Variants in ARHGAP28 observed in about 807,000 individuals in gnomAD.
ARHGAP28 encodes Rho GTPase activating protein 28, also known as rho GTPase-activating protein 28.
ARHGAP28 carries 56 observed loss-of-function variants against 90.7 expected under a neutral mutation model. The ratio of observed to expected loss-of-function variants is 0.62; its 90% CI spans 0.50 to 0.77. The LOEUF (loss-of-function observed/expected upper bound fraction) is 0.77, where lower values mean the gene tolerates loss of function less well. ARHGAP28 is among the 30% of genes least tolerant of loss of function. The probability of loss-of-function intolerance (pLI) is 0.00; values close to 1 mark genes in which losing one functional copy is unlikely to be tolerated. For synonymous variants in ARHGAP28, 308 were observed against 323.3 expected, an observed-to-expected ratio of 0.95 and a Z score of 0.51; for missense variants, 869 against 900.9, an observed-to-expected ratio of 0.96 and a Z score of 0.45.
At chr18:6,781,826 T>A (rs751420727) in intron 1 of ARHGAP28, among the ~76,000 whole-genome samples, 4 of 152,226 alleles carry the variant, frequency 2.6e-5, no homozygotes, top group African/African-American at 4.8e-5. Context: ...TTTTGCCAGT[T>A]GATATCTCTT....
At chr18:6,907,636 G>C (rs2057371275) in intron 16 of ARHGAP28, among the ~76,000 whole-genome samples, 1 of 152,170 alleles carries the variant, frequency 6.6e-6, no homozygotes, top group African/African-American at 2.4e-5. Context: ...TGCTGCTGGG[G>C]GTGAGGGATG....
intron 1 of ARHGAP28, among the ~76,000 whole-genome samples, chr18:6,818,513 AC>A (rs202013753): frequency 1.3e-5 from 2 of 151,874 alleles, no homozygotes; most frequent in African/African-American, 2.4e-5. Flanking sequence ...GGGAAAATAG[AC>A]CCCCCCAAAA....
intron 11 of ARHGAP28, among the ~76,000 whole-genome samples, chr18:6,883,936 G>C (rs1567982032): frequency 6.6e-6 from 1 of 151,984 alleles, no homozygotes; most frequent in Non-Finnish European, 1.5e-5. Flanking sequence ...TTTTGTTTCA[G>C]ACATTGTATT....
chr18:6,807,444 C>T (rs1298594941), intron 1 of ARHGAP28, among the ~76,000 whole-genome samples: 1 of 151,964 alleles, frequency 6.6e-6, no homozygotes, highest in Non-Finnish European at 1.5e-5. Flanking sequence ...TATTTTTGAG[C>T]TTTGTTCTGG....
At chr18:6,887,094 GA>G (rs925509507) in intron 11 of ARHGAP28, 62 bp from the exon 12 acceptor site, 9 of 1,459,246 alleles carry the variant, frequency 6.2e-6, no homozygotes, top group Non-Finnish European at 7.7e-6. Context: ...ATGCTAGCAA[GA>G]AATGCTGTCA....
intron 1 of ARHGAP28, among the ~76,000 whole-genome samples, chr18:6,752,939 A>G (rs1471443305): frequency 1.3e-5 from 1 of 75,206 alleles, no homozygotes; most frequent in Non-Finnish European, 3.0e-5. Context: ...TTTACCCACT[A>G]ATTGGCAATA....
In ARHGAP28 at chr18:6,871,037, C is replaced by T. The variant is rs540572528; in HGVS notation, c.954+305C>T. Among the ~76,000 whole-genome samples, 8 of 152,262 alleles carry T rather than the reference C, an allele frequency of 5.3e-5. No homozygotes were observed. In the East Asian group the frequency reaches 5.8e-4, roughly 11 times the overall value. On this transcript the variant is annotated intron_variant, in intron 7 of 17. Transcript: ENST00000383472. ...GGATGGTCTCGATCTCCTGACCTCA[C>T]GATCTGCCTGCCTCGGCCTCTCAAA... is the stretch of plus-strand genomic sequence containing the variant.
At chr18:6,892,342 G>A (rs925616971) in intron 14 of ARHGAP28, among the ~76,000 whole-genome samples, 2 of 152,010 alleles carry the variant, frequency 1.3e-5, no homozygotes, top group African/African-American at 4.8e-5. Flanking sequence ...AGTAGAGACA[G>A]GGTTTCACCA....
At chr18:6,873,166 A>C (rs1312707456) in intron 7 of ARHGAP28, among the ~76,000 whole-genome samples, 1 of 152,228 alleles carries the variant, frequency 6.6e-6, no homozygotes, top group African/African-American at 2.4e-5. Context: ...CAGTTTCCAC[A>C]GTTGCAATGG....
At chr18:6,893,280 T>A (rs1244602370) in intron 14 of ARHGAP28, among the ~76,000 whole-genome samples, 1 of 152,132 alleles carries the variant, frequency 6.6e-6, no homozygotes, top group Non-Finnish European at 1.5e-5. Context: ...TCCATTCTGC[T>A]CCCTGCCAGT....
intron 16 of ARHGAP28, among the ~76,000 whole-genome samples, chr18:6,901,164 A>T (rs1024054085): frequency 6.6e-6 from 1 of 152,212 alleles, no homozygotes. Flanking sequence ...CAGAAAGGAA[A>T]TTATAACAAG....
At chr18:6,831,488 C>CTTTTTTTTTTTTTTTTTTTTTTTT (rs76200243) in intron 2 of ARHGAP28, among the ~76,000 whole-genome samples, 1 of 69,618 alleles carries the variant, frequency 1.4e-5, no homozygotes, top group African/African-American at 4.8e-5. Flanking sequence ...TTTTTTTTTT[C>CTTTTTTTTTTTTTTTTTTTTTTTT]TTTTTTTTTT....
intron 1 of ARHGAP28, among the ~76,000 whole-genome samples, chr18:6,769,575 A>G (rs146854481): frequency 1.2e-3 from 189 of 152,324 alleles, no homozygotes; most frequent in African/African-American, 4.3e-3. Flanking sequence ...TATGATCTCT[A>G]TTTTATTCAC....
Position 6,912,212 on chromosome 18 carries a change from G to A in ARHGAP28, c.*58G>A. 1 of 1,077,624 alleles carries A rather than the reference G, an allele frequency of 9.3e-7. No individual in the cohort carries two copies. Among genetic ancestry groups the A allele is most frequent in the Non-Finnish European group, 1.4e-6 (1 of 735,164 alleles). The allele number at this position is 1,077,624 out of a possible 1,614,324, so 66.8% of individuals were successfully genotyped here. On this transcript the variant is annotated 3_prime_UTR_variant, in exon 18 of 18. Coordinates refer to ENST00000383472, the MANE Select transcript of ARHGAP28 (RefSeq NM_001366230.1). ...TATGCCAAAAAGATCCTACATTTTG[G>A]TAGGGAAAAAACAACACTGTGTTTG... is the stretch of plus-strand genomic sequence containing the variant.
chr18:6,914,033 A>C lies in ARHGAP28; in HGVS notation c.*1879A>C, dbSNP rs988676031. The C allele has an allele frequency of 6.6e-6, 1 of 152,286 alleles. No individual in the cohort carries two copies. Among genetic ancestry groups the C allele is most frequent in the Admixed American group, 6.5e-5 (1 of 15,286 alleles). 9.4% of individuals were successfully genotyped at this position (152,286 alleles called of 1,614,324 possible). On this transcript the variant is annotated 3_prime_UTR_variant, in exon 18 of 18. Transcript: ENST00000383472. ...CATTTCTGCGTATATATGAAAACTG[A>C]ATGATATTTCTCAGTGTATTTCCTT... is the stretch of plus-strand genomic sequence containing the variant.
At chr18:6,741,893 T>C (rs1382629930) in intron 1 of ARHGAP28, among the ~76,000 whole-genome samples, 1 of 152,208 alleles carries the variant, frequency 6.6e-6, no homozygotes, top group Non-Finnish European at 1.5e-5. Flanking sequence ...TTGCTTTTAT[T>C]CTTTTCCAGG....
chr18:6,834,733 C>T (rs915576949), intron 2 of ARHGAP28, among the ~76,000 whole-genome samples: 1 of 152,010 alleles, frequency 6.6e-6, no homozygotes, highest in African/African-American at 2.4e-5. Flanking sequence ...GGAAGGTGGA[C>T]CTTTTGAGTA....
intron 3 of ARHGAP28, among the ~76,000 whole-genome samples, chr18:6,838,797 C>T (rs1600230872): frequency 6.6e-6 from 1 of 152,076 alleles, no homozygotes; most frequent in Admixed American, 6.6e-5. Flanking sequence ...TAGTGTAAAC[C>T]TGTGTCTTTC....
chr18:6,909,274 GCTTTT>G (rs958637563), intron 17 of ARHGAP28, among the ~76,000 whole-genome samples: 21 of 99,790 alleles, frequency 2.1e-4, no homozygotes, highest in East Asian at 1.7e-3. Flanking sequence ...TCTTTTCTTT[GCTTTT>G]CTTTTCTTTT....
Sources: gnomAD v4.1 joint callset for allele counts (sites outside exome capture counted in the v4.1 genomes callset) on GRCh38, gnomAD v4.1.1 for gene constraint, MANE v1.5 for transcripts, NCBI Gene and HGNC (gene_info 2026-07-23, HGNC 2026-07-21) for gene names.